The following SORCS1 variants were observed in gnomAD, a reference collection of about 807,000 sequenced individuals.
SORCS1 encodes the protein VPS10 domain-containing receptor SorCS1.
A neutral mutation model predicts 146.1 loss-of-function variants in SORCS1; 60 were observed. The ratio of observed to expected loss-of-function variants is 0.41; its 90% confidence interval spans 0.33 to 0.51. The LOEUF (loss-of-function observed/expected upper bound fraction) is 0.51. SORCS1 is among the 20% of genes least tolerant of loss of function. The pLI is 0.21. For synonymous variants in SORCS1, 637 were observed against 584.0 expected (o/e 1.09, Z -1.31); for missense variants, 1,352 against 1,487.6 (o/e 0.91, Z 1.50).
intron 2 of SORCS1, among the ~76,000 whole-genome samples, chr10:106,914,983 C>T (rs568422356): frequency 2.4e-4 from 36 of 152,244 alleles, no homozygotes; most frequent in African/African-American, 8.7e-4. Flanking sequence ...GTAACAGACA[C>T]GAGACTGTGA....
At chr10:106,963,008 TA>T (rs1447425420) in intron 1 of SORCS1, among the ~76,000 whole-genome samples, 1 of 150,796 alleles carries the variant, frequency 6.6e-6, no homozygotes, top group Non-Finnish European at 1.5e-5. Flanking sequence ...GGAAAGCAAA[TA>T]TGGGGGAAGA....
intron 1 of SORCS1, among the ~76,000 whole-genome samples, chr10:107,071,206 A>G (rs950117401): frequency 1.3e-5 from 2 of 151,926 alleles, no homozygotes; most frequent in African/African-American, 4.8e-5. Context: ...CGGCAGAAAA[A>G]AAAATGCTGG....
intron 1 of SORCS1, among the ~76,000 whole-genome samples, chr10:107,027,702 C>T (rs1958471210): frequency 6.6e-6 from 1 of 152,200 alleles, no homozygotes; most frequent in African/African-American, 2.4e-5. Flanking sequence ...AAGTTTCAGT[C>T]ATCAGCTGCT....
chr10:107,034,412 G>T (rs1260727714), intron 1 of SORCS1, among the ~76,000 whole-genome samples: 1 of 151,830 alleles, frequency 6.6e-6, no homozygotes, highest in Non-Finnish European at 1.5e-5. Flanking sequence ...GGGCATGGTG[G>T]CTCATACCTG....
intron 1 of SORCS1, among the ~76,000 whole-genome samples, chr10:107,077,963 A>G (rs1240796922): frequency 6.6e-6 from 1 of 152,206 alleles, no homozygotes; most frequent in Non-Finnish European, 1.5e-5. Flanking sequence ...GCAATTCCAA[A>G]CCATCATTTA....
chr10:106,938,925 G>T (rs949659817), intron 2 of SORCS1, among the ~76,000 whole-genome samples: 1 of 152,188 alleles, frequency 6.6e-6, no homozygotes, highest in Non-Finnish European at 1.5e-5. Flanking sequence ...TAGTCTCCAT[G>T]TTGTGACATT....
intron 1 of SORCS1, among the ~76,000 whole-genome samples, chr10:107,109,983 C>T (rs1965583624): frequency 6.6e-6 from 1 of 152,192 alleles, no homozygotes; most frequent in Non-Finnish European, 1.5e-5. Flanking sequence ...GATCACAATA[C>T]AGCCAACTTC....
chr10:106,878,360 T>C (rs929748648), intron 2 of SORCS1, among the ~76,000 whole-genome samples: 1 of 151,720 alleles, frequency 6.6e-6, no homozygotes, highest in African/African-American at 2.4e-5. Context: ...CTAAAATTCA[T>C]ATGTTGAAAC....
chr10:106,771,352 GCA>G (rs1010644865), intron 4 of SORCS1, among the ~76,000 whole-genome samples: 7 of 152,170 alleles, frequency 4.6e-5, no homozygotes, highest in Non-Finnish European at 2.9e-5. Flanking sequence ...ATGTTTTATA[GCA>G]CAGTTTGTAC....
chr10:106,910,343 C>T (rs200244500), intron 2 of SORCS1, among the ~76,000 whole-genome samples: 40 of 128,762 alleles, frequency 3.1e-4, no homozygotes, highest in Non-Finnish European at 4.7e-4. Context: ...AGAGAGTGAG[C>T]GAGCTCACAA....
At chr10:107,104,002 A>T (rs769260403) in intron 1 of SORCS1, among the ~76,000 whole-genome samples, 4 of 152,242 alleles carry the variant, frequency 2.6e-5, no homozygotes, top group Non-Finnish European at 5.9e-5. Context: ...TGGATGGCAG[A>T]TTCGTCAGAA....
intron 1 of SORCS1, among the ~76,000 whole-genome samples, chr10:107,057,541 T>A (rs1410691159): frequency 6.6e-6 from 1 of 152,188 alleles, no homozygotes; most frequent in African/African-American, 2.4e-5. Context: ...TTCTTTCTTA[T>A]GTTAAACTAA....
At chr10:106,685,222 CACA>C (rs1334364527) in intron 10 of SORCS1, among the ~76,000 whole-genome samples, 1 of 152,134 alleles carries the variant, frequency 6.6e-6, no homozygotes, top group African/African-American at 2.4e-5. Context: ...GCGAAACTGT[CACA>C]ACACCTTTCG....
intron 18 of SORCS1, among the ~76,000 whole-genome samples, chr10:106,640,049 C>T (rs1483126147): frequency 1.3e-5 from 2 of 152,062 alleles, no homozygotes; most frequent in Admixed American, 1.3e-4. Flanking sequence ...TGATGCCTGC[C>T]TCAACATAAC....
intron 1 of SORCS1, among the ~76,000 whole-genome samples, chr10:106,970,905 A>ATTT (rs34657393): frequency 6.2e-5 from 6 of 96,480 alleles, no homozygotes; most frequent in East Asian, 3.1e-4. Context: ...TGCACAGCTA[A>ATTT]TTTTTTTTTT....
intron 1 of SORCS1, among the ~76,000 whole-genome samples, chr10:107,147,419 G>GCAC (rs1968420172): frequency 6.6e-6 from 1 of 152,046 alleles, no homozygotes; most frequent in South Asian, 2.1e-4. Flanking sequence ...TTATCAAAGT[G>GCAC]CACCCCTACC....
At chr10:106,690,734 A>G (rs551979432) in intron 9 of SORCS1, among the ~76,000 whole-genome samples, 4 of 152,296 alleles carry the variant, frequency 2.6e-5, no homozygotes, top group Admixed American at 2.6e-4. Flanking sequence ...CACTTTGTCC[A>G]TTTAAGGTAG....
At chr10:106,961,762 C>A (rs937506341) in intron 1 of SORCS1, among the ~76,000 whole-genome samples, 1 of 152,164 alleles carries the variant, frequency 6.6e-6, no homozygotes, top group African/African-American at 2.4e-5. Flanking sequence ...AGTTACCACT[C>A]CTTTTCTAGA....
At chr10:107,088,930 T>C (rs890550385) in intron 1 of SORCS1, among the ~76,000 whole-genome samples, 2 of 151,852 alleles carry the variant, frequency 1.3e-5, no homozygotes, top group African/African-American at 4.9e-5. Context: ...TATGAGCAAG[T>C]TATTATTTGT....
Sources: allele counts gnomAD v4.1 joint callset (sites outside exome capture counted in the v4.1 genomes callset), GRCh38; gene constraint gnomAD v4.1.1; transcripts MANE v1.5; gene names NCBI Gene and HGNC (gene_info 2026-07-23, HGNC 2026-07-21).